Variants in SDHD observed in about 807,000 individuals in gnomAD.
SDHD encodes succinate dehydrogenase complex subunit D, also known as succinate dehydrogenase [ubiquinone] cytochrome b small subunit, mitochondrial.
A neutral mutation model predicts 18.7 loss-of-function variants in SDHD; 6 were observed. That is an observed-to-expected ratio of 0.32 (90% CI 0.18 to 0.63). The LOEUF is 0.63. Ranked by LOEUF, SDHD falls within the 30% of genes least tolerant of loss-of-function variation. The probability of loss-of-function intolerance (pLI) is 0.79; values close to 1 mark genes in which losing one functional copy is unlikely to be tolerated. For synonymous variants in SDHD, 56 were observed against 73.9 expected, an observed-to-expected ratio of 0.76 and a Z score of 1.24; for missense variants, 160 against 192.7, an observed-to-expected ratio of 0.83 and a Z score of 1.00.
intron 3 of SDHD, among the ~76,000 whole-genome samples, chr11:112,092,601 A>G (rs543785622): frequency 2.2e-4 from 33 of 152,244 alleles, no homozygotes; most frequent in Non-Finnish European, 4.1e-4. Flanking sequence ...GATGGCTGTA[A>G]TAAAAGATGG....
chr11:112,090,666 CA>C (rs1209547312), intron 3 of SDHD, among the ~76,000 whole-genome samples: 3 of 151,864 alleles, frequency 2.0e-5, no homozygotes, highest in Non-Finnish European at 4.4e-5. Context: ...AGTGACTTGT[CA>C]GAATCATTTT....
chr11:112,095,103 G>A lies in SDHD; in HGVS notation c.*133G>A. The stretch of plus-strand genomic sequence containing the variant: ...GACAGCCTTCTTCTCTTAATCACAA[G>A]ATTATTTTCAGAATTTAATCTTTGA... On this transcript the variant is annotated 3_prime_UTR_variant, in exon 4 of 4. Coordinates refer to ENST00000375549, the MANE Select transcript of SDHD (RefSeq NM_003002.4). 1.3e-6 allele frequency: 1 copy of A among 744,594 alleles called. No individual in the cohort carries two copies. Among genetic ancestry groups the A allele is most frequent in the Non-Finnish European group, 2.4e-6 (1 of 424,340 alleles). 46.1% of individuals were successfully genotyped at this position (744,594 alleles called of 1,614,324 possible).
chr11:112,089,538 T>A (rs944334089), intron 3 of SDHD, among the ~76,000 whole-genome samples: 3 of 152,372 alleles, frequency 2.0e-5, no homozygotes, highest in Middle Eastern at 3.4e-3. Context: ...AGACTCTACA[T>A]GATTGAACCA....
chr11:112,088,534 A>G lies in SDHD; in HGVS notation c.170-333A>G, dbSNP rs1280254260. The G allele has an allele frequency of 3.9e-5, 15 of 382,746 alleles. No individual in the cohort carries two copies. The Admixed American group carries it at 4.5e-4, about 11-fold the overall frequency. The allele number at this position is 382,746 out of a possible 1,614,324, so 23.7% of individuals were successfully genotyped here. On this transcript the variant is annotated intron_variant, in intron 2 of 3. Coordinates refer to ENST00000375549, the MANE Select transcript of SDHD (RefSeq NM_003002.4). ...CCTGGACCACTAACTTACATTCATAAGGTGTCTGTTCACTTCACTGAACCA... is the reference window on the plus strand; with the variant it reads ...CCTGGACCACTAACTTACATTCATAGGGTGTCTGTTCACTTCACTGAACCA...
rs1165258369 is a variant in SDHD, at chr11:112,088,998, C to T, written c.301C>T (p.Leu101Phe). Residue 101 changes from leucine (L) to phenylalanine (F), a missense_variant, in exon 3 of 4, where the codon CTT becomes TTT. Transcript: ENST00000375549. ...MDYSLAAALT[L>F]HGHWGLGQVV... is the part of the protein sequence containing the mutation. ...CTATTCCCTGGCTGCAGCCCTCACT[C>T]TTCATGGTCACTGGCAAGTATAGCA... is the stretch of plus-strand genomic sequence containing the variant. 2 of 1,614,074 alleles carry T rather than the reference C, an allele frequency of 1.2e-6. No homozygotes were observed. The highest frequency in any genetic ancestry group is 1.7e-6 in the Non-Finnish European group (2 of 1,180,042).
Position 112,095,344 on chromosome 11 carries a change from G to A in SDHD, c.*374G>A, listed in dbSNP as rs1865822786. On this transcript the variant is annotated 3_prime_UTR_variant, in exon 4 of 4. Coordinates refer to ENST00000375549, the MANE Select transcript of SDHD (RefSeq NM_003002.4). The stretch of plus-strand genomic sequence containing the variant: ...CTTCCATATTTGCCTTGGGAATAAT[G>A]GACAAAGGGAAATACTCTTAATTCA... The A allele has an allele frequency of 6.0e-6, 2 of 333,824 alleles. No homozygotes were observed. The highest frequency in any genetic ancestry group is 2.1e-5 in the African/African-American group (1 of 48,492). The allele number at this position is 333,824 out of a possible 1,614,324, so 20.7% of individuals were successfully genotyped here.
At chr11:112,091,183 A>G (rs1592782889) in intron 3 of SDHD, 8 of 688,730 alleles carry the variant, frequency 1.2e-5, no homozygotes, top group Non-Finnish European at 1.4e-5. Flanking sequence ...GCTGTCTATA[A>G]TGTGCTCCAC....
At chr11:112,091,259 G>A (rs1288253039) in intron 3 of SDHD, 3 of 212,524 alleles carry the variant, frequency 1.4e-5, no homozygotes, top group Non-Finnish European at 2.4e-5. Flanking sequence ...TATAACTTAG[G>A]TTATTCTTAC....
At chr11:112,087,512 A>G (rs1865638960) in intron 1 of SDHD, among the ~76,000 whole-genome samples, 1 of 152,194 alleles carries the variant, frequency 6.6e-6, no homozygotes, top group Non-Finnish European at 1.5e-5. Context: ...GAGGTCCTGA[A>G]CTAGGAAAGT....
At chr11:112,090,455 C>T (rs1463609034) in intron 3 of SDHD, among the ~76,000 whole-genome samples, 2 of 152,024 alleles carry the variant, frequency 1.3e-5, no homozygotes, top group African/African-American at 2.4e-5. Context: ...TGACTTTCTA[C>T]GTAATGAACC....
chr11:112,094,676 A>G (rs1865806126), intron 3 of SDHD, 129 bp from the exon 4 acceptor site: 2 of 767,954 alleles, frequency 2.6e-6, no homozygotes, highest in African/African-American at 1.7e-5. Flanking sequence ...AAACAGTGAC[A>G]GTGGAGTGGC....
chr11:112,095,069 C>G lies in SDHD; in HGVS notation c.*99C>G. ...AATAAGGAAGAAATAACAGATAAGT[C>G]CATTGGTGGACAGCCTTCTTCTCTT... On this transcript the variant is annotated 3_prime_UTR_variant, in exon 4 of 4. Coordinates refer to ENST00000375549, the MANE Select transcript of SDHD (RefSeq NM_003002.4). The G allele has an allele frequency of 5.5e-6, 5 of 911,042 alleles. No individual in the cohort carries two copies. The highest frequency in any genetic ancestry group is 9.1e-6 in the Non-Finnish European group (5 of 551,858). The allele number at this position is 911,042 out of a possible 1,614,324, so 56.4% of individuals were successfully genotyped here.
chr11:112,093,576 T>G (rs957930085), intron 3 of SDHD, among the ~76,000 whole-genome samples: 1 of 152,194 alleles, frequency 6.6e-6, no homozygotes, highest in African/African-American at 2.4e-5. Flanking sequence ...GGCGTTTGAC[T>G]TACATTGCAA....
rs1416678757 is a variant in SDHD, at chr11:112,086,965, G to A, written c.52+6G>A. 2 of 1,614,144 alleles carry A rather than the reference G, an allele frequency of 1.2e-6. No homozygotes were observed. Among genetic ancestry groups the A allele is most frequent in the Admixed American group, 3.3e-5 (2 of 60,016 alleles). On this transcript the variant is annotated splice_donor_region_variant and intron_variant, in intron 1 of 3. Transcript: ENST00000375549. ...CGGTGCCCTAGGAGGCCGAGGTGAG[G>A]GGTCTTCCCACCCTGAGGTGCTTAG...
At chr11:112,093,297 A>T in intron 3 of SDHD, 1 of 220,632 alleles carries the variant, frequency 4.5e-6, no homozygotes, top group Non-Finnish European at 9.5e-6. Context: ...AACTCCCAAC[A>T]TCAGGTGATC....
At chr11:112,092,741 A>T (rs1865766862) in intron 3 of SDHD, among the ~76,000 whole-genome samples, 1 of 152,242 alleles carries the variant, frequency 6.6e-6, no homozygotes, top group African/African-American at 2.4e-5. Flanking sequence ...TAGAGTTACC[A>T]TCTGACTCGG....
intron 3 of SDHD, among the ~76,000 whole-genome samples, chr11:112,093,948 CAG>C (rs1367954601): frequency 2.0e-5 from 3 of 152,196 alleles, no homozygotes. Flanking sequence ...ACATTTATGA[CAG>C]ATTCTGGCAC....
chr11:112,089,906 T>C (rs911151024), intron 3 of SDHD, among the ~76,000 whole-genome samples: 6 of 151,930 alleles, frequency 3.9e-5, no homozygotes, highest in African/African-American at 1.5e-4. Context: ...ATCACCCAAA[T>C]GTATATCCCT....
At chr11:112,089,498 C>G (rs936827380) in intron 3 of SDHD, among the ~76,000 whole-genome samples, 11 of 152,208 alleles carry the variant, frequency 7.2e-5, no homozygotes, top group African/African-American at 1.9e-4. Flanking sequence ...CTTCATGTTA[C>G]TCAAAGTCAG....
Sources: gnomAD v4.1 joint callset for allele counts (sites outside exome capture counted in the v4.1 genomes callset) on GRCh38, gnomAD v4.1.1 for gene constraint, MANE v1.5 for transcripts, NCBI Gene and HGNC (gene_info 2026-07-23, HGNC 2026-07-21) for gene names.